Variants in DIAPH2 observed in about 807,000 individuals in gnomAD.
The protein encoded by DIAPH2 is diaphanous related formin 2.
In DIAPH2, 35 loss-of-function variants were observed where a neutral mutation model predicts 92.7. That is an observed-to-expected ratio of 0.38 (90% CI 0.29 to 0.50). The LOEUF is 0.50. Among genes scored for constraint, DIAPH2 ranks in the 20% least tolerant of loss-of-function variants. The probability of loss-of-function intolerance (pLI) is 0.94; values close to 1 mark genes in which losing one functional copy is unlikely to be tolerated. For synonymous variants in DIAPH2, 301 were observed against 280.4 expected (o/e 1.07, Z -0.73); for missense variants, 701 against 819.5 (o/e 0.86, Z 1.77).
chrX:97,504,973 A>G (rs1479166527), intron 26 of DIAPH2, among the ~76,000 whole-genome samples: 1 of 111,799 alleles, frequency 8.9e-6, no homozygotes, highest in Non-Finnish European at 1.9e-5. Flanking sequence ...GCTGTAATAA[A>G]CATAGGTTAG....
At chrX:97,598,101 T>G (rs2071566481) in intron 26 of DIAPH2, among the ~76,000 whole-genome samples, 1 of 111,346 alleles carries the variant, frequency 9.0e-6, no homozygotes, top group African/African-American at 3.3e-5. Context: ...ACCTCAGTAG[T>G]TCTCAGTTTT....
At chrX:97,500,454 G>T (rs186242459) in intron 26 of DIAPH2, among the ~76,000 whole-genome samples, 233 of 110,159 alleles carry the variant, frequency 2.1e-3, no homozygotes, top group Non-Finnish European at 3.7e-3. Flanking sequence ...TTAAAAGGGG[G>T]CCAGTTTTGT....
intron 19 of DIAPH2, among the ~76,000 whole-genome samples, chrX:97,095,790 C>T (rs2066864344): frequency 8.9e-6 from 1 of 111,861 alleles, no homozygotes; most frequent in South Asian, 3.7e-4. Context: ...AGCGTGTGGT[C>T]TATTCGTAGA....
At chrX:97,348,983 G>GGT (rs1291837310) in intron 24 of DIAPH2, among the ~76,000 whole-genome samples, 18 of 104,626 alleles carry the variant, frequency 1.7e-4, no homozygotes, top group African/African-American at 4.7e-4. Flanking sequence ...AACAGGTAAA[G>GGT]GTGTGTGTGT....
At chrX:97,483,658 G>A (rs1818429488) in intron 26 of DIAPH2, among the ~76,000 whole-genome samples, 1 of 111,229 alleles carries the variant, frequency 9.0e-6, no homozygotes, top group Admixed American at 9.6e-5. Context: ...TCTATCTTCA[G>A]TTCTCCTTTC....
chrX:97,094,042 C>T (rs1199489808), intron 19 of DIAPH2, among the ~76,000 whole-genome samples: 1 of 111,392 alleles, frequency 9.0e-6, no homozygotes, highest in African/African-American at 3.3e-5. Context: ...GAAAAGGATG[C>T]CAGTTCTGTT....
At chrX:96,884,149 C>T (rs752838971) in intron 5 of DIAPH2, 10 of 449,283 alleles carry the variant, frequency 2.2e-5, no homozygotes, top group Non-Finnish European at 3.4e-5. Context: ...GGTAGCGTGA[C>T]GCTTGTCACG....
intron 17 of DIAPH2, among the ~76,000 whole-genome samples, chrX:97,011,891 C>CAAAAAAAAAAAAAA (rs1169242843): frequency 3.4e-4 from 11 of 32,201 alleles, no homozygotes; most frequent in African/African-American, 1.6e-3. Context: ...GACACTGTCT[C>CAAAAAAAAAAAAAA]AAAAAAAAAA....
At chrX:97,351,913 C>A (rs927161885) in intron 24 of DIAPH2, among the ~76,000 whole-genome samples, 8 of 111,256 alleles carry the variant, frequency 7.2e-5, no homozygotes, top group African/African-American at 2.6e-4. Context: ...GTCGAAGACT[C>A]CTAAATCAAC....
rs202046146 is a variant in DIAPH2 at position 97,312,345 on chromosome X, C to CATT, written c.2845-35771_2845-35770insATT. ...TTGATCACTTTTGATCAATAGAATC[C>CATT]TTTTTTTTTTTTTTTTTTTTTTTTT... On this transcript the variant is annotated intron_variant, in intron 23 of 26. Transcript: ENST00000324765. Among the ~76,000 whole-genome samples, 13 of 54,953 alleles carry CATT rather than the reference C, an allele frequency of 2.4e-4. 2 individuals are homozygous for CATT. The highest frequency in any genetic ancestry group is 2.3e-4 in the African/African-American group (3 of 12,920). The allele number at this position is 54,953 out of a possible 115,157, so 47.7% of individuals were successfully genotyped here.
At chrX:96,790,896 A>G (rs942303799) in intron 4 of DIAPH2, among the ~76,000 whole-genome samples, 2 of 111,443 alleles carry the variant, frequency 1.8e-5, no homozygotes, top group African/African-American at 6.5e-5. Flanking sequence ...ATTGATCTTG[A>G]TGAGGTATTA....
At chrX:96,714,838 A>G (rs1484040327) in intron 1 of DIAPH2, among the ~76,000 whole-genome samples, 1 of 112,031 alleles carries the variant, frequency 8.9e-6, no homozygotes, top group African/African-American at 3.2e-5. Context: ...TACCTATAAG[A>G]TAGCAGAAAA....
At chrX:97,052,241 G>A (rs775298708) in intron 17 of DIAPH2, among the ~76,000 whole-genome samples, 27 of 111,310 alleles carry the variant, frequency 2.4e-4, no homozygotes, top group Admixed American at 8.6e-4. Flanking sequence ...CTTTACAGCT[G>A]AGTAGATTTA....
At position 97,113,011 on chromosome X, in the gene DIAPH2, C is replaced by T. The variant is rs868568439; in HGVS notation, c.2350-1715C>T. On this transcript the variant is annotated intron_variant, in intron 20 of 26. Coordinates refer to ENST00000324765, the MANE Select transcript of DIAPH2 (RefSeq NM_006729.5). The stretch of plus-strand genomic sequence containing the variant: ...GCCAGGCTGGTCTCAAACTCCTGAC[C>T]TCAAGTGATCCTCCTGCCTCTGCCT... Among the ~76,000 whole-genome samples, 50 of 109,311 alleles carry T rather than the reference C, an allele frequency of 4.6e-4. No homozygotes were observed. The Middle Eastern group carries it at 0.014, about 31-fold the overall frequency. 94.9% of individuals were successfully genotyped at this position (109,311 alleles called of 115,157 possible). A position where few individuals can be genotyped will look rare whatever the true frequency, so the allele number is the denominator to read the frequency against.
At chrX:96,781,062 C>G (rs2064414500) in intron 4 of DIAPH2, among the ~76,000 whole-genome samples, 1 of 111,124 alleles carries the variant, frequency 9.0e-6, no homozygotes, top group African/African-American at 3.3e-5. Context: ...CTGCCTCTGG[C>G]CTCCCAAAGT....
intron 17 of DIAPH2, among the ~76,000 whole-genome samples, chrX:96,969,898 G>T (rs762774549): frequency 9.0e-6 from 1 of 110,963 alleles, no homozygotes; most frequent in Non-Finnish European, 1.9e-5. Flanking sequence ...TTATTTTGAG[G>T]TGTACCTAGT....
chrX:97,066,395 C>T (rs1356688358), intron 17 of DIAPH2, among the ~76,000 whole-genome samples: 2 of 112,234 alleles, frequency 1.8e-5, no homozygotes, highest in Non-Finnish European at 3.8e-5. Flanking sequence ...AGCCTAGGAG[C>T]AATAGGCTAC....
intron 1 of DIAPH2, among the ~76,000 whole-genome samples, chrX:96,687,493 C>G (rs939228681): frequency 9.3e-6 from 1 of 107,261 alleles, no homozygotes; most frequent in East Asian, 2.9e-4. Context: ...TGGCTGGAGT[C>G]CAGTGGCGCG....
intron 26 of DIAPH2, among the ~76,000 whole-genome samples, chrX:97,528,127 T>C (rs1056389512): frequency 2.1e-4 from 24 of 112,309 alleles, no homozygotes; most frequent in African/African-American, 7.8e-4. Context: ...GAGTTCTTTC[T>C]TGCTTAGTTC....
Sources: gnomAD v4.1 joint callset for allele counts (sites outside exome capture counted in the v4.1 genomes callset) on GRCh38, gnomAD v4.1.1 for gene constraint, MANE v1.5 for transcripts, NCBI Gene and HGNC (gene_info 2026-07-23, HGNC 2026-07-21) for gene names.